Variants in DIS3 observed in about 807,000 individuals in gnomAD.
DIS3 encodes exosome complex exonuclease RRP44.
Under a neutral mutation model 113.0 loss-of-function variants are expected in DIS3, and 103 were observed. That is an observed-to-expected ratio of 0.91 (90% CI 0.78 to 1.07). The LOEUF is 1.07. Among genes scored for constraint, DIS3 ranks in the 50% least tolerant of loss-of-function variants. The pLI, the probability that DIS3 is intolerant of heterozygous loss-of-function variation, is 0.00. For missense variants in DIS3, 1,121 were observed against 1,167.1 expected (o/e 0.96, Z 0.58); for synonymous variants, 402 against 394.3 (o/e 1.02, Z -0.23).
Position 72,771,107 on chromosome 13 carries a change from C to G in DIS3, c.1644G>C (p.Leu548Phe). ...TGTCCACGTCACATTTTAAGGAACA[C>G]AAGTTAGAGCTAAGCAACTCTGGAA... ...DMVPELLSSN[L>F]CSLKCDVDRL... The change falls in exon 12 of 21, where the codon TTG becomes TTC. Residue 548 changes from leucine to phenylalanine, a missense_variant. Leu to Phe is a conservative substitution (Grantham distance 22). Coordinates refer to ENST00000377767, the MANE Select transcript of DIS3 (RefSeq NM_014953.5). 1 of 1,613,516 alleles carries G rather than the reference C, an allele frequency of 6.2e-7. No individual in the cohort carries two copies. Among genetic ancestry groups the G allele is most frequent in the South Asian group, 1.1e-5 (1 of 91,028 alleles).
chr13:72,756,191 T>TA lies in DIS3; in HGVS notation c.*3603dup. 2.2e-5 allele frequency: 1 copy of TA among 44,720 alleles called. No homozygotes were observed. Among genetic ancestry groups the TA allele is most frequent in the Non-Finnish European group, 3.6e-5 (1 of 27,930 alleles). The allele number at this position is 44,720 out of a possible 1,614,324, so 2.8% of individuals were successfully genotyped here. A position where few individuals can be genotyped will look rare whatever the true frequency, so the allele number is the denominator to read the frequency against. Reference sequence around the variant, plus strand: ...TTCAAAAGGGAATAAAGACCTGTGTTATCAATGTGTCATTTTCTTCTTTCC... The same window carrying TA: ...TTCAAAAGGGAATAAAGACCTGTGTTAATCAATGTGTCATTTTCTTCTTTCC... On this transcript the variant is annotated 3_prime_UTR_variant, in exon 21 of 21. Transcript: ENST00000377767.
chr13:72,765,464 C>T (rs1229267552), intron 15 of DIS3, among the ~76,000 whole-genome samples: 1 of 152,066 alleles, frequency 6.6e-6, no homozygotes, highest in African/African-American at 2.4e-5. Flanking sequence ...TTCTATGCGA[C>T]AAGGGGAGGG....
In DIS3 at chr13:72,781,710, C is replaced by G. The variant is rs759781129; in HGVS notation, c.123G>C (p.Gly41=). 1.5e-5 allele frequency: 24 copies of G among 1,571,084 alleles called. No homozygotes were observed. Among genetic ancestry groups the G allele is most frequent in the Middle Eastern group, 3.8e-4 (2 of 5,302 alleles). The change falls in exon 1 of 21, where the codon GGG becomes GGC. Residue 41 remains glycine, a synonymous_variant. Transcript: ENST00000377767. ...GCTCCAGGGCCGGCCCCTCGTGCGC[C>G]CCTCCACACGCTGCGCACCCGGGCG... ...CGAPGCAACG[G]AHEGPALEPQ...
At position 72,772,691 on chromosome 13, in the gene DIS3, A is replaced by T; in HGVS notation, c.1386+2T>A. On this transcript the variant is annotated splice_donor_variant, in intron 9 of 20. Coordinates refer to ENST00000377767, the MANE Select transcript of DIS3 (RefSeq NM_014953.5). LOFTEE classifies it high-confidence loss of function. Reference sequence around the variant, plus strand: ...AGTCACTACAAATTACTTTCAACTTACCTTTTCAGTAATGCTCCAGGGCAT... The same window carrying T: ...AGTCACTACAAATTACTTTCAACTTTCCTTTTCAGTAATGCTCCAGGGCAT... The T allele has an allele frequency of 6.3e-7, 1 of 1,598,460 alleles. No homozygotes were observed. Among genetic ancestry groups the T allele is most frequent in the Non-Finnish European group, 8.5e-7 (1 of 1,176,016 alleles).
At chr13:72,766,110 A>T in intron 14 of DIS3, 52 bp from the exon 15 acceptor site, 1 of 1,420,654 alleles carries the variant, frequency 7.0e-7, no homozygotes, top group Non-Finnish European at 9.6e-7. Context: ...AATAAAAGAC[A>T]AAAGTATAGA....
chr13:72,777,352 T>C (rs2034039950), intron 4 of DIS3, 68 bp downstream of exon 4: 5 of 1,480,154 alleles, frequency 3.4e-6, no homozygotes, highest in Non-Finnish European at 4.7e-6. Flanking sequence ...ATTTGGTAAC[T>C]ATATGCCTAA....
intron 14 of DIS3, 97 bp downstream of exon 14, chr13:72,768,688 G>T (rs1287932769): frequency 2.2e-6 from 2 of 893,776 alleles, no homozygotes; most frequent in Admixed American, 6.2e-5. Flanking sequence ...AGAAACAGGA[G>T]TCTCTATTCA....
rs981493282 is a variant in DIS3, at chr13:72,781,895, G to A, written c.-63C>T. On this transcript the variant is annotated 5_prime_UTR_variant, in exon 1 of 21. Transcript: ENST00000377767. ...TCTTCCAGCAAAAGGCGTCAATCTA[G>A]AATACGCCTAACCCCGGAGGTTCTT... 3 of 1,403,968 alleles carry A rather than the reference G, an allele frequency of 2.1e-6. No homozygotes were observed. Among genetic ancestry groups the A allele is most frequent in the African/African-American group, 1.5e-5 (1 of 68,228 alleles). The allele number at this position is 1,403,968 out of a possible 1,614,324, so 87.0% of individuals were successfully genotyped here.
chr13:72,756,938 G>C lies in DIS3; in HGVS notation c.*2857C>G, dbSNP rs1336472447. 1 of 152,150 alleles carries C rather than the reference G, an allele frequency of 6.6e-6. No individual in the cohort carries two copies. The highest frequency in any genetic ancestry group is 2.4e-5 in the African/African-American group (1 of 41,430). 9.4% of individuals were successfully genotyped at this position (152,150 alleles called of 1,614,324 possible). ...ACCATAAACCTCCATTTTCTCATCTGTTAAATGGAGATAACAGTCCTGGCT... is the reference window on the plus strand; with the variant it reads ...ACCATAAACCTCCATTTTCTCATCTCTTAAATGGAGATAACAGTCCTGGCT... On this transcript the variant is annotated 3_prime_UTR_variant, in exon 21 of 21. Coordinates refer to ENST00000377767, the MANE Select transcript of DIS3 (RefSeq NM_014953.5).
chr13:72,781,484 GGTTT>G, intron 1 of DIS3, 117 bp downstream of exon 1: 2 of 1,429,106 alleles, frequency 1.4e-6, no homozygotes, highest in Non-Finnish European at 1.9e-6. Context: ...GTCCCGAGGG[GGTTT>G]CCCTTTCGCT....
At chr13:72,775,668 C>T (rs191569555) in intron 5 of DIS3, among the ~76,000 whole-genome samples, 37 of 152,040 alleles carry the variant, frequency 2.4e-4, no homozygotes, top group Admixed American at 2.4e-3. Flanking sequence ...AATCTCAAGT[C>T]CTGATTGGTC....
intron 13 of DIS3, 52 bp downstream of exon 13, chr13:72,770,852 A>C (rs2033868631): frequency 1.2e-5 from 17 of 1,367,470 alleles, no homozygotes; most frequent in Non-Finnish European, 1.7e-5. Flanking sequence ...AGCTTTTTTC[A>C]AAAAAGTACC....
At position 72,758,289 on chromosome 13, in the gene DIS3, T is replaced by C. The variant is rs2033542602; in HGVS notation, c.*1506A>G. ...GGTATACCATCTAGGTTTGTGTAAC[T>C]ACATCATGATTTTCACACAATGATG... On this transcript the variant is annotated 3_prime_UTR_variant, in exon 21 of 21. Transcript: ENST00000377767. 1 of 181,872 alleles carries C rather than the reference T, an allele frequency of 5.5e-6. No homozygotes were observed. Among genetic ancestry groups the C allele is most frequent in the Non-Finnish European group, 1.2e-5 (1 of 85,224 alleles). The allele number at this position is 181,872 out of a possible 1,614,324, so 11.3% of individuals were successfully genotyped here. A position where few individuals can be genotyped will look rare whatever the true frequency, so the allele number is the denominator to read the frequency against.
chr13:72,776,699 C>T (rs2034025885), intron 4 of DIS3, among the ~76,000 whole-genome samples: 1 of 152,104 alleles, frequency 6.6e-6, no homozygotes, highest in Admixed American at 6.5e-5. Context: ...GTTATTATTG[C>T]TAAACATTAT....
At chr13:72,771,516 GT>G (rs1277745647) in intron 11 of DIS3, among the ~76,000 whole-genome samples, 1 of 152,040 alleles carries the variant, frequency 6.6e-6, no homozygotes, top group African/African-American at 2.4e-5. Context: ...ACTACAAGGT[GT>G]TTTTAAAATA....
intron 15 of DIS3, 32 bp from the exon 16 acceptor site, chr13:72,763,639 A>C (rs1187594437): frequency 6.3e-6 from 10 of 1,586,350 alleles, no homozygotes; most frequent in Non-Finnish European, 8.6e-7. Flanking sequence ...AACAAACAAA[A>C]AAGAGAATCT....
chr13:72,781,239 T>C, intron 1 of DIS3: 1 of 1,540,638 alleles, frequency 6.5e-7, no homozygotes, highest in Non-Finnish European at 8.8e-7. Flanking sequence ...TTAAGGGTAT[T>C]AATAAAGGAA....
In DIS3 at chr13:72,759,685, A is replaced by T. The variant is rs2033577382; in HGVS notation, c.*110T>A. 1 of 780,526 alleles carries T rather than the reference A, an allele frequency of 1.3e-6. No homozygotes were observed. 48.4% of individuals were successfully genotyped at this position (780,526 alleles called of 1,614,324 possible). A position where few individuals can be genotyped will look rare whatever the true frequency, so the allele number is the denominator to read the frequency against. On this transcript the variant is annotated 3_prime_UTR_variant, in exon 21 of 21. Coordinates refer to ENST00000377767, the MANE Select transcript of DIS3 (RefSeq NM_014953.5). ...AAATGCAGATGTCTGAAATTATTAA[A>T]ATGTACTTAAAAGTAACAAACTGTA... is the stretch of plus-strand genomic sequence containing the variant.
rs780645434 is a variant in DIS3, at chr13:72,781,630, G to C, written c.203C>G (p.Pro68Arg). ...CTGGTGCAGTAACACATTAGTGTCG[G>C]GCAGCAAGTAGTGCGGTTGCGGGCA... ...SVCPQPHYLLPDTNVLLHQID... is the reference protein window; with the variant it reads ...SVCPQPHYLLRDTNVLLHQID... Residue 68 changes from proline (P) to arginine (R), a missense_variant, in exon 1 of 21, where the codon CCC (proline) becomes CGC (arginine). By Grantham distance (103) the Pro-to-Arg change is moderately radical (BLOSUM62 -2). Coordinates refer to ENST00000377767, the MANE Select transcript of DIS3 (RefSeq NM_014953.5). 2.0e-6 allele frequency: 3 copies of C among 1,537,972 alleles called. No individual in the cohort carries two copies. Among genetic ancestry groups the C allele is most frequent in the South Asian group, 2.4e-5 (2 of 83,048 alleles).
Sources: allele counts gnomAD v4.1 joint callset (sites outside exome capture counted in the v4.1 genomes callset), GRCh38; gene constraint gnomAD v4.1.1; transcripts MANE v1.5; gene names NCBI Gene and HGNC (gene_info 2026-07-23, HGNC 2026-07-21).